The following NEK6 variants were observed in gnomAD, a reference collection of about 807,000 sequenced individuals.
NEK6 encodes NIMA related kinase 6, also known as serine/threonine-protein kinase Nek6.
Under a neutral mutation model 43.5 loss-of-function variants are expected in NEK6, and 27 were observed. That is an observed-to-expected ratio of 0.62 (90% CI 0.46 to 0.86). The LOEUF (loss-of-function observed/expected upper bound fraction) is 0.86. NEK6 is among the 40% of genes least tolerant of loss of function. The pLI is 0.00. For missense variants in NEK6, 318 were observed against 414.4 expected (o/e 0.77, Z 2.02); for synonymous variants, 167 against 164.1 (o/e 1.02, Z -0.14).
intron 1 of NEK6, chr9:124,300,291 G>A (rs1467430370): frequency 6.6e-6 from 1 of 152,206 alleles, no homozygotes; most frequent in Non-Finnish European, 1.5e-5. Flanking sequence ...AGAGTGACTT[G>A]CACCCTGAGA....
At chr9:124,320,361 A>G (rs1484320149) in intron 4 of NEK6, among the ~76,000 whole-genome samples, 1 of 152,206 alleles carries the variant, frequency 6.6e-6, no homozygotes, top group Non-Finnish European at 1.5e-5. Context: ...GAATGAATGA[A>G]TGAATGAATA....
chr9:124,297,276 C>T (rs1459926661), intron 1 of NEK6, among the ~76,000 whole-genome samples: 1 of 152,216 alleles, frequency 6.6e-6, no homozygotes, highest in African/African-American at 2.4e-5. Flanking sequence ...GGGTTAGCTT[C>T]AATAGCTAAA....
chr9:124,312,547 G>T lies in NEK6; in HGVS notation c.129G>T (p.Ala43=). Residue 43 remains alanine, a synonymous_variant, in exon 3 of 10, where the codon GCG becomes GCT. Coordinates refer to ENST00000320246, the MANE Select transcript of NEK6 (RefSeq NM_014397.6). ...PNTLSFRCSL[A]DFQIEKKIGR... ...CGCTGTCTTTTCGCTGCTCGCTGGC[G>T]GACTTCCAGATCGAAAAGAAGATAG... 1 of 1,614,118 alleles carries T rather than the reference G, an allele frequency of 6.2e-7. No homozygotes were observed. The highest frequency in any genetic ancestry group is 8.5e-7 in the Non-Finnish European group (1 of 1,180,006).
At chr9:124,345,509 G>A (rs1024916630) in intron 8 of NEK6, among the ~76,000 whole-genome samples, 1 of 152,202 alleles carries the variant, frequency 6.6e-6, no homozygotes, top group African/African-American at 2.4e-5. Flanking sequence ...GACATGATGG[G>A]AAGTGGATGC....
intron 1 of NEK6, among the ~76,000 whole-genome samples, chr9:124,286,185 C>G (rs914646933): frequency 6.6e-6 from 1 of 152,226 alleles, no homozygotes; most frequent in African/African-American, 2.4e-5. Context: ...GAAACCTCTT[C>G]GGGCTGGCTG....
At chr9:124,319,012 TCTCA>T (rs921087058) in intron 4 of NEK6, among the ~76,000 whole-genome samples, 16 of 151,960 alleles carry the variant, frequency 1.1e-4, no homozygotes, top group African/African-American at 3.9e-4. Context: ...ATTTTTAGAA[TCTCA>T]CTCTGTCACC....
At position 124,343,814 on chromosome 9, in the gene NEK6, C is replaced by G. The variant is rs924168373; in HGVS notation, c.718-3895C>G. Reference sequence around the variant, plus strand: ...GGTGACAGACACAGCCGGAGAAAACCTGCCCTTCCCCAAGCCCCAGCACAG... The same window carrying G: ...GGTGACAGACACAGCCGGAGAAAACGTGCCCTTCCCCAAGCCCCAGCACAG... On this transcript the variant is annotated intron_variant, in intron 8 of 9. Transcript: ENST00000320246. The surrounding 1 kb of genome is among the most constrained non-coding windows in gnomAD (Gnocchi z 5.1). Among the ~76,000 whole-genome samples, 1 of 152,194 alleles carries G rather than the reference C, an allele frequency of 6.6e-6. No individual in the cohort carries two copies. The highest frequency in any genetic ancestry group is 2.4e-5 in the African/African-American group (1 of 41,460).
intron 2 of NEK6, among the ~76,000 whole-genome samples, chr9:124,307,504 G>T (rs1833314765): frequency 1.3e-5 from 2 of 152,324 alleles, no homozygotes; most frequent in Non-Finnish European, 1.5e-5. Flanking sequence ...CCATGTGCCT[G>T]CCCCAGGCAG....
chr9:124,345,512 G>A (rs1267308510), intron 8 of NEK6, among the ~76,000 whole-genome samples: 1 of 152,240 alleles, frequency 6.6e-6, no homozygotes, highest in African/African-American at 2.4e-5. Context: ...ATGATGGGAA[G>A]TGGATGCCAG....
intron 1 of NEK6, among the ~76,000 whole-genome samples, chr9:124,276,604 G>A (rs73584318): frequency 0.013 from 1,923 of 152,350 alleles, 37 homozygotes; most frequent in African/African-American, 0.044. Context: ...GTGCAGAGGG[G>A]CCAGTGCTTG....
At chr9:124,265,980 TC>T (rs1288668993) in intron 1 of NEK6, among the ~76,000 whole-genome samples, 4 of 152,168 alleles carry the variant, frequency 2.6e-5, no homozygotes, top group Non-Finnish European at 4.4e-5. Flanking sequence ...GTGCTCTTGA[TC>T]AATTTGCAGG....
intron 1 of NEK6, chr9:124,286,359 C>T (rs993572147): frequency 6.6e-6 from 1 of 152,212 alleles, no homozygotes; most frequent in Non-Finnish European, 1.5e-5. Flanking sequence ...CGGAACCAAT[C>T]CCCCAGCCTC....
Position 124,343,405 on chromosome 9 carries a change from T to C in NEK6, c.717+3740T>C, listed in dbSNP as rs376209996. Among the ~76,000 whole-genome samples, 13 of 152,100 alleles carry C rather than the reference T, an allele frequency of 8.5e-5. 1 individual carries two copies. The East Asian group carries it at 2.3e-3, about 27-fold the overall frequency. ...CAGTCAAGCCCTGAGGGGATTAGCG[T>C]CCTCAGGGACATCAGGCGCTGACCT... On this transcript the variant is annotated intron_variant, in intron 8 of 9. Coordinates refer to ENST00000320246, the MANE Select transcript of NEK6 (RefSeq NM_014397.6). This position sits in a 1 kb window ranked among gnomAD's most constrained non-coding sequence, Gnocchi z 5.1.
chr9:124,298,717 C>A (rs1194045542), intron 1 of NEK6, among the ~76,000 whole-genome samples: 1 of 152,164 alleles, frequency 6.6e-6, no homozygotes, highest in East Asian at 1.9e-4. Flanking sequence ...ATCCTGGCTC[C>A]TTTTGTCTGT....
In NEK6 at chr9:124,347,786, C is replaced by A; in HGVS notation, c.795C>A (p.Asp265Glu). 6.2e-7 allele frequency: 1 copy of A among 1,613,080 alleles called. No homozygotes were observed. The highest frequency in any genetic ancestry group is 1.1e-5 in the South Asian group (1 of 90,946). The change falls in exon 9 of 10, where the codon GAC (aspartate) becomes GAA (glutamate). Residue 265 changes from aspartate to glutamate, a missense_variant. Asp to Glu is a conservative substitution (Grantham distance 45, BLOSUM62 2). This residue lies in a region of NEK6 where 79 missense variants were observed against 70.0 expected (regional missense o/e 1.13). Coordinates refer to ENST00000320246, the MANE Select transcript of NEK6 (RefSeq NM_014397.6). ...TGTGCCAGAAGATCGAGCAGTGTGA[C>A]TACCCCCCACTCCCCGGGGAGCACT... ...FSLCQKIEQCDYPPLPGEHYS... is the reference protein window; with the variant it reads ...FSLCQKIEQCEYPPLPGEHYS...
At chr9:124,304,643 G>A (rs1407349078) in intron 2 of NEK6, among the ~76,000 whole-genome samples, 8 of 152,130 alleles carry the variant, frequency 5.3e-5, no homozygotes, top group Non-Finnish European at 1.2e-4. Context: ...AAAGGCCTCC[G>A]AGCTGGATAA....
At chr9:124,335,697 G>A (rs3780202) in intron 7 of NEK6, among the ~76,000 whole-genome samples, 10,720 of 152,296 alleles carry the variant, frequency 0.07, 969 homozygotes, top group East Asian at 0.45. Flanking sequence ...CAGGGTACTG[G>A]GATGCGGCAA....
intron 5 of NEK6, among the ~76,000 whole-genome samples, chr9:124,322,627 C>T (rs928745867): frequency 2.0e-5 from 3 of 152,246 alleles, no homozygotes; most frequent in African/African-American, 7.2e-5. Flanking sequence ...CCTCACGTCC[C>T]TACTGGCTTG....
chr9:124,350,741 C>T, intron 9 of NEK6, 96 bp from the exon 10 acceptor site: 1 of 841,014 alleles, frequency 1.2e-6, no homozygotes, highest in Non-Finnish European at 2.0e-6. Context: ...TCTAGTTGCT[C>T]TGAGGATGAA....
Sources: gnomAD v4.1 joint callset for allele counts (sites outside exome capture counted in the v4.1 genomes callset) on GRCh38, gnomAD v4.1.1 for gene constraint, gnomAD v4.1.1 regional missense constraint, Gnocchi (gnomAD v3.1) non-coding constraint, MANE v1.5 for transcripts, NCBI Gene and HGNC (gene_info 2026-07-23, HGNC 2026-07-21) for gene names.